The following TTLL6 variants were observed in gnomAD, a reference collection of about 807,000 sequenced individuals.
TTLL6 encodes the protein tubulin tyrosine ligase like 6, also known as tubulin polyglutamylase TTLL6.
In TTLL6, 75 loss-of-function variants were observed where a neutral mutation model predicts 96.4. The observed-to-expected ratio is 0.78, with a 90% CI of 0.65 to 0.94. The LOEUF is 0.94. TTLL6 is among the 40% of genes least tolerant of loss of function. The pLI, the probability that TTLL6 is intolerant of heterozygous loss-of-function variation, is 0.00. For synonymous variants in TTLL6, 411 were observed against 419.4 expected, an observed-to-expected ratio of 0.98 and a Z score of 0.24; for missense variants, 1,030 against 1,093.0, an observed-to-expected ratio of 0.94 and a Z score of 0.81.
Position 48,791,448 on chromosome 17 carries a change from T to C in TTLL6, c.1154A>G (p.Asn385Ser), listed in dbSNP as rs1319162461. The change falls in exon 9 of 16, where the codon AAC becomes AGC. Residue 385 changes from asparagine (N) to serine (S), a missense_variant. Asn to Ser is a conservative substitution (Grantham distance 46). Transcript: ENST00000393382. The part of the protein sequence containing the change: ...YHTCFPNHTL[N>S]SACFEILGFD... ...GCCCAGGATCTCAAAGCAGGCGCTG[T>C]TGAGTGTGTGGTTGGGGAAGCAGGT... is the stretch of plus-strand genomic sequence containing the variant. 10 of 1,614,138 alleles carry C rather than the reference T, an allele frequency of 6.2e-6. No individual in the cohort carries two copies. Among genetic ancestry groups the C allele is most frequent in the Admixed American group, 3.3e-5 (2 of 60,012 alleles).
chr17:48,804,089 A>G, intron 2 of TTLL6, 161 bp from the exon 3 acceptor site: 1 of 707,306 alleles, frequency 1.4e-6, no homozygotes, highest in South Asian at 1.7e-5. Context: ...CACGAGTCCA[A>G]GGGGGTACAG....
At chr17:48,780,555 T>C (rs1268260370) in intron 13 of TTLL6, among the ~76,000 whole-genome samples, 1 of 152,238 alleles carries the variant, frequency 6.6e-6, no homozygotes, top group Admixed American at 6.5e-5. Context: ...GTGTTCTATA[T>C]GTAGTAGTGT....
Position 48,762,688 on chromosome 17 carries a change from C to G in TTLL6, c.*286G>C, listed in dbSNP as rs1368032279. On this transcript the variant is annotated 3_prime_UTR_variant, in exon 16 of 16. Coordinates refer to ENST00000393382, the MANE Select transcript of TTLL6 (RefSeq NM_001130918.3). ...TGGATGATGGTGCCATGTGAAGAAC[C>G]CAGAGAAGTGCCACTGGTACGGCAA... The G allele has an allele frequency of 7.7e-6, 2 of 259,942 alleles. No individual in the cohort carries two copies. The highest frequency in any genetic ancestry group is 1.5e-5 in the Non-Finnish European group (2 of 131,092). The allele number at this position is 259,942 out of a possible 1,614,324, so 16.1% of individuals were successfully genotyped here.
At chr17:48,786,476 G>T in intron 11 of TTLL6, 141 bp from the exon 12 acceptor site, 1 of 953,870 alleles carries the variant, frequency 1.0e-6, no homozygotes, top group Non-Finnish European at 1.6e-6. Context: ...GTCTGCACAA[G>T]TGATTGAATG....
chr17:48,792,231 T>C (rs2039240077), intron 8 of TTLL6, among the ~76,000 whole-genome samples: 1 of 152,198 alleles, frequency 6.6e-6, no homozygotes, highest in Non-Finnish European at 1.5e-5. Context: ...GCTGGTCACC[T>C]GATCACAGAT....
intron 6 of TTLL6, among the ~76,000 whole-genome samples, chr17:48,798,332 C>T (rs1325802043): frequency 6.6e-6 from 1 of 151,962 alleles, no homozygotes; most frequent in Non-Finnish European, 1.5e-5. Context: ...TTTTGGAGGC[C>T]AAGTCAGGCA....
chr17:48,805,091 G>C (rs967511633), intron 1 of TTLL6, 100 bp from the exon 2 acceptor site: 3 of 935,974 alleles, frequency 3.2e-6, no homozygotes, highest in Non-Finnish European at 3.2e-6. Context: ...CTAATTCAAC[G>C]CAACAGGTTG....
chr17:48,805,068 G>A (rs1598000126), intron 1 of TTLL6, 77 bp from the exon 2 acceptor site: 1 of 1,170,928 alleles, frequency 8.5e-7, no homozygotes, highest in South Asian at 1.3e-5. Flanking sequence ...CATGTGGGTA[G>A]AGACCCAGGG....
rs2039670946 is a variant in TTLL6 at position 48,816,653 on chromosome 17, G to A, written c.103+317C>T. Among the ~76,000 whole-genome samples, 4 of 152,204 alleles carry A rather than the reference G, an allele frequency of 2.6e-5. No individual in the cohort carries two copies. In the South Asian group the frequency reaches 8.3e-4, roughly 31 times the overall value. On this transcript the variant is annotated intron_variant, in intron 1 of 15. Transcript: ENST00000393382. ...AATGACCCAATGATGGGGATGAAGG[G>A]GATGAAGAGAGTTGTGTGAGTCCCA...
intron 13 of TTLL6, among the ~76,000 whole-genome samples, chr17:48,770,348 A>G: frequency 6.6e-6 from 1 of 152,020 alleles, no homozygotes; most frequent in East Asian, 1.9e-4. Context: ...ATTAGCAGCA[A>G]GAAAGATTAG....
At chr17:48,785,234 T>C in intron 12 of TTLL6, 33 bp from the exon 13 acceptor site, 1 of 1,613,420 alleles carries the variant, frequency 6.2e-7, no homozygotes, top group Non-Finnish European at 8.5e-7. Context: ...CACACAGCCA[T>C]GGGAACCCAG....
At position 48,804,807 on chromosome 17, in the gene TTLL6, G is replaced by A. The variant is rs1485567635; in HGVS notation, c.288C>T (p.Ala96=). ...NPGAQNGLQN[A]QQQGKKKRKK... Reference sequence around the variant, plus strand: ...TCCTCTTCTTCTTGCCTTGCTGCTGGGCATTCTGAAGTCCGTTTTGTGCCC... The same window carrying A: ...TCCTCTTCTTCTTGCCTTGCTGCTGAGCATTCTGAAGTCCGTTTTGTGCCC... Residue 96 remains alanine (A), a synonymous_variant, in exon 2 of 16, where the codon GCC becomes GCT. Coordinates refer to ENST00000393382, the MANE Select transcript of TTLL6 (RefSeq NM_001130918.3). 1 of 1,552,178 alleles carries A rather than the reference G, an allele frequency of 6.4e-7. No individual in the cohort carries two copies. The highest frequency in any genetic ancestry group is 1.2e-5 in the South Asian group (1 of 84,046).
At chr17:48,786,030 G>A (rs902814366) in intron 12 of TTLL6, 134 bp downstream of exon 12, 16 of 1,349,632 alleles carry the variant, frequency 1.2e-5, no homozygotes, top group East Asian at 4.6e-5. Context: ...GCACCGCCCC[G>A]TCGTTGCCCA....
rs2039373651 is a variant in TTLL6, at chr17:48,799,521, C to G, written c.768+83G>C. On this transcript the variant is annotated intron_variant, in intron 6 of 15. Transcript: ENST00000393382. ...CTCCACCTCCACCTTCACCCTCCAT[C>G]CCCTCATTTCACATTCTGTCCAGTG... 2.2e-6 allele frequency: 3 copies of G among 1,387,234 alleles called. No individual in the cohort carries two copies. In the East Asian group the frequency reaches 7.5e-5, roughly 35 times the overall value. 85.9% of individuals were successfully genotyped at this position (1,387,234 alleles called of 1,614,324 possible).
intron 6 of TTLL6, among the ~76,000 whole-genome samples, chr17:48,798,449 C>T (rs916028251): frequency 9.2e-5 from 14 of 152,090 alleles, no homozygotes; most frequent in African/African-American, 3.1e-4. Context: ...TGCCTGTAAT[C>T]CCAGCTACTT....
At chr17:48,789,738 G>A (rs1348672768) in intron 10 of TTLL6, among the ~76,000 whole-genome samples, 193 bp downstream of exon 10, 1 of 152,004 alleles carries the variant, frequency 6.6e-6, no homozygotes, top group East Asian at 1.9e-4. Flanking sequence ...TGTATTTTTA[G>A]TAGAGACGGG....
intron 1 of TTLL6, among the ~76,000 whole-genome samples, chr17:48,815,574 C>T (rs2039657219): frequency 6.6e-6 from 1 of 152,224 alleles, no homozygotes; most frequent in Non-Finnish European, 1.5e-5. Context: ...AAAAGCTTCA[C>T]ATCTAGAAAA....
In TTLL6 at chr17:48,801,290, G is replaced by A; in HGVS notation, c.576C>T (p.Phe192=). Residue 192 remains phenylalanine, a synonymous_variant, in exon 5 of 16, where the codon TTC becomes TTT. Coordinates refer to ENST00000393382, the MANE Select transcript of TTLL6 (RefSeq NM_001130918.3). ...SRMLKMFPKD[F]RFFPRTWCLP... ...GACACCAGGTCCTAGGGAAAAAGCGGAAATCTTTAGGGAACATCTTTAACA... is the reference window on the plus strand; with the variant it reads ...GACACCAGGTCCTAGGGAAAAAGCGAAAATCTTTAGGGAACATCTTTAACA... 1.9e-6 allele frequency: 3 copies of A among 1,551,678 alleles called. No homozygotes were observed. Among genetic ancestry groups the A allele is most frequent in the Non-Finnish European group, 2.6e-6 (3 of 1,147,002 alleles).
At chr17:48,776,249 G>A (rs1020165658) in intron 13 of TTLL6, among the ~76,000 whole-genome samples, 9 of 152,184 alleles carry the variant, frequency 5.9e-5, no homozygotes, top group East Asian at 1.9e-4. Flanking sequence ...GGCGGATCAC[G>A]AGGTCAGGAG....
Sources: gnomAD v4.1 joint callset for allele counts (sites outside exome capture counted in the v4.1 genomes callset) on GRCh38, gnomAD v4.1.1 for gene constraint, MANE v1.5 for transcripts, NCBI Gene and HGNC (gene_info 2026-07-23, HGNC 2026-07-21) for gene names.